CDH9: variants seen among roughly 807,000 people sequenced by gnomAD.
CDH9 encodes cadherin-9.
CDH9 carries 28 observed loss-of-function variants against 70.9 expected under a neutral mutation model. The ratio of observed to expected loss-of-function variants is 0.40; its 90% confidence interval spans 0.29 to 0.54. The LOEUF is 0.54. Among genes scored for constraint, CDH9 ranks in the 20% least tolerant of loss-of-function variants. The pLI is 0.59. For missense variants in CDH9, 874 were observed against 984.4 expected (o/e 0.89, Z 1.50); for synonymous variants, 409 against 343.1 (o/e 1.19, Z -2.12).
intron 2 of CDH9, among the ~76,000 whole-genome samples, chr5:26,977,883 G>T (rs1007615880): frequency 6.6e-6 from 1 of 152,088 alleles, no homozygotes; most frequent in Non-Finnish European, 1.5e-5. Flanking sequence ...AAACACTTTG[G>T]GGTTTTCAGT....
intron 1 of CDH9, among the ~76,000 whole-genome samples, chr5:27,031,101 GC>G (rs1461576409): frequency 6.6e-6 from 1 of 151,318 alleles, no homozygotes; most frequent in Non-Finnish European, 1.5e-5. Context: ...ATACAAGGCT[GC>G]TTAACATAAG....
At chr5:27,023,794 G>A (rs1374148061) in intron 1 of CDH9, among the ~76,000 whole-genome samples, 3 of 152,032 alleles carry the variant, frequency 2.0e-5, no homozygotes, top group East Asian at 1.9e-4. Context: ...GCTCAAGCCT[G>A]TAATCACAGC....
chr5:26,976,267 A>G (rs1010413927), intron 2 of CDH9, among the ~76,000 whole-genome samples: 14 of 152,188 alleles, frequency 9.2e-5, no homozygotes, highest in African/African-American at 3.4e-4. Context: ...AGAAATAGTG[A>G]TGAAACAGAT....
At chr5:26,945,116 T>C (rs1741728207) in intron 2 of CDH9, among the ~76,000 whole-genome samples, 1 of 152,090 alleles carries the variant, frequency 6.6e-6, no homozygotes, top group Non-Finnish European at 1.5e-5. Context: ...TTTTACTTTT[T>C]TTTTAGCTAA....
intron 2 of CDH9, among the ~76,000 whole-genome samples, chr5:26,946,666 C>T (rs1422349217): frequency 1.3e-5 from 2 of 152,124 alleles, no homozygotes; most frequent in Non-Finnish European, 2.9e-5. Context: ...ATCTTATTCT[C>T]TAGCAGTTAT....
At chr5:26,907,780 C>T (rs997842292) in intron 3 of CDH9, among the ~76,000 whole-genome samples, 1 of 151,998 alleles carries the variant, frequency 6.6e-6, no homozygotes, top group African/African-American at 2.4e-5. Flanking sequence ...GATTGTAGGA[C>T]ATTTTTCAGT....
chr5:26,966,321 C>A (rs1307163067), intron 2 of CDH9, among the ~76,000 whole-genome samples: 2 of 152,184 alleles, frequency 1.3e-5, no homozygotes, highest in Non-Finnish European at 2.9e-5. Context: ...CAGTGCCTCA[C>A]AGGTCTTGTT....
At chr5:26,909,970 A>G (rs1306427654) in intron 3 of CDH9, among the ~76,000 whole-genome samples, 2 of 151,996 alleles carry the variant, frequency 1.3e-5, no homozygotes, top group East Asian at 3.9e-4. Context: ...AAAGATAAGA[A>G]AAGTTTAGAT....
chr5:27,029,106 A>G (rs1211309949), intron 1 of CDH9, among the ~76,000 whole-genome samples: 3 of 152,064 alleles, frequency 2.0e-5, no homozygotes, highest in Non-Finnish European at 4.4e-5. Context: ...AAAAGAGATA[A>G]TTACAAATCA....
chr5:26,896,935 GAAGAA>G (rs1740762224), intron 7 of CDH9, among the ~76,000 whole-genome samples: 1 of 151,796 alleles, frequency 6.6e-6, no homozygotes, highest in Non-Finnish European at 1.5e-5. Context: ...GACTAATAAA[GAAGAA>G]AAGAGAGAAG....
At chr5:26,910,340 A>C (rs950876787) in intron 3 of CDH9, among the ~76,000 whole-genome samples, 2 of 152,118 alleles carry the variant, frequency 1.3e-5, no homozygotes. Context: ...TATAAATGTT[A>C]CTAATTTAAA....
At chr5:26,990,622 G>A (rs1742564516) in intron 1 of CDH9, among the ~76,000 whole-genome samples, 1 of 152,136 alleles carries the variant, frequency 6.6e-6, no homozygotes, top group South Asian at 2.1e-4. Context: ...ATGTGCAATG[G>A]AAGAGTAACA....
At chr5:26,939,189 TAATC>T (rs1294299042) in intron 2 of CDH9, among the ~76,000 whole-genome samples, 1 of 151,740 alleles carries the variant, frequency 6.6e-6, no homozygotes, top group African/African-American at 2.4e-5. Flanking sequence ...TTTTTAAACT[TAATC>T]TATTATAAAT....
At chr5:26,891,571 G>C (rs548750752) in intron 7 of CDH9, among the ~76,000 whole-genome samples, 1 of 151,930 alleles carries the variant, frequency 6.6e-6, no homozygotes, top group Non-Finnish European at 1.5e-5. Context: ...CCAGCTACTC[G>C]GGAGGCTGAG....
At chr5:26,886,384 C>T (rs1047426829) in intron 9 of CDH9, among the ~76,000 whole-genome samples, 1 of 151,996 alleles carries the variant, frequency 6.6e-6, no homozygotes, top group Admixed American at 6.6e-5. Flanking sequence ...CAATACCTAT[C>T]CTCTTTTGAT....
intron 1 of CDH9, among the ~76,000 whole-genome samples, chr5:27,025,214 G>A (rs1743201271): frequency 6.6e-6 from 1 of 152,188 alleles, no homozygotes; most frequent in East Asian, 1.9e-4. Context: ...ATTCACACAA[G>A]CGGTATAGAC....
intron 2 of CDH9, among the ~76,000 whole-genome samples, chr5:26,971,662 T>C (rs1283023814): frequency 2.0e-5 from 3 of 152,226 alleles, no homozygotes; most frequent in African/African-American, 7.2e-5. Context: ...AATGTGTTTC[T>C]GTGCATGTGT....
intron 2 of CDH9, among the ~76,000 whole-genome samples, chr5:26,926,613 C>A (rs1741344560): frequency 6.6e-6 from 1 of 151,850 alleles, no homozygotes. Context: ...TCATATGGAA[C>A]CAAAAAAGAG....
chr5:26,905,900 C>T, intron 5 of CDH9, 59 bp downstream of exon 5: 4 of 1,266,856 alleles, frequency 3.2e-6, no homozygotes, highest in Non-Finnish European at 4.6e-6. Context: ...GAATATTAAA[C>T]TCGGCTACTA....
Sources: gnomAD v4.1 joint callset for allele counts (sites outside exome capture counted in the v4.1 genomes callset) on GRCh38, gnomAD v4.1.1 for gene constraint, MANE v1.5 for transcripts, NCBI Gene and HGNC (gene_info 2026-07-23, HGNC 2026-07-21) for gene names.